LYG1: variants seen among roughly 807,000 people sequenced by gnomAD.
LYG1 encodes lysozyme g-like protein 1.
In LYG1, 17 loss-of-function variants were observed where a neutral mutation model predicts 21.7. That is an observed-to-expected ratio of 0.78 (90% CI 0.54 to 1.18). The LOEUF (loss-of-function observed/expected upper bound fraction) is 1.18, where lower values mean the gene tolerates loss of function less well. Ranked by LOEUF, LYG1 falls within the 50% of genes most tolerant of loss-of-function variation. LYG1 has a pLI of 0.00. For synonymous variants in LYG1, 81 were observed against 87.4 expected (o/e 0.93, Z 0.41); for missense variants, 211 against 238.1 (o/e 0.89, Z 0.75).
upstream of LYG1, among the ~76,000 whole-genome samples, chr2:99,303,506 C>T (rs1018448059): frequency 5.9e-5 from 9 of 152,154 alleles, no homozygotes; most frequent in African/African-American, 2.2e-4. Context: ...CCTGCTGCAC[C>T]TGGGTCCCCA....
upstream of LYG1, among the ~76,000 whole-genome samples, chr2:99,302,615 G>T (rs761091947): frequency 1.3e-5 from 2 of 152,194 alleles, no homozygotes; most frequent in Non-Finnish European, 2.9e-5. Flanking sequence ...CACATAAGGG[G>T]TATTCAGTAC....
chr2:99,286,348 C>T (rs1251851652), intron 5 of LYG1, among the ~76,000 whole-genome samples: 1 of 152,164 alleles, frequency 6.6e-6, no homozygotes, highest in East Asian at 1.9e-4. Flanking sequence ...TTGTTGATGG[C>T]AATGCAAAAT....
At chr2:99,292,400 G>T in intron 4 of LYG1, 136 bp downstream of exon 4, 1 of 652,058 alleles carries the variant, frequency 1.5e-6, no homozygotes, top group South Asian at 1.9e-5. Context: ...CGGATGCAGG[G>T]GCAGCTAAGT....
rs546668070 is a variant in LYG1 at position 99,301,161 on chromosome 2, A to G, written c.-235T>C. ...TCATCCTATTTTGGAGAGATTTATG[A>G]CATCTCATAAATTATAATAATAATC... On this transcript the variant is annotated 5_prime_UTR_variant, in exon 1 of 7. Transcript: ENST00000308528. The G allele has an allele frequency of 6.6e-6, 1 of 151,728 alleles. No individual in the cohort carries two copies. The highest frequency in any genetic ancestry group is 1.5e-5 in the Non-Finnish European group (1 of 68,014). The allele number at this position is 151,728 out of a possible 1,614,324, so 9.4% of individuals were successfully genotyped here.
In LYG1 at chr2:99,286,715, A is replaced by G. The variant is rs373208144; in HGVS notation, c.334-1895T>C. On this transcript the variant is annotated intron_variant, in intron 5 of 6. Coordinates refer to ENST00000308528, the MANE Select transcript of LYG1 (RefSeq NM_174898.3). ...GTGAGACTGTCTCAAAAAATAAAAC[A>G]AATTAAAGTAAAAATTAATACCATA... is the stretch of plus-strand genomic sequence containing the variant. 9.3e-4 allele frequency among the ~76,000 whole-genome samples: 141 copies of G among 152,268 alleles called. 1 individual carries two copies. Among genetic ancestry groups the G allele is most frequent in the African/African-American group, 3.2e-3 (135 of 41,564 alleles).
At chr2:99,288,484 G>A (rs926724434) in intron 5 of LYG1, among the ~76,000 whole-genome samples, 6 of 151,868 alleles carry the variant, frequency 4.0e-5, no homozygotes, top group Admixed American at 2.6e-4. Flanking sequence ...TATTAATATC[G>A]TGTAGTTGCT....
At chr2:99,287,350 G>C (rs962736302) in intron 5 of LYG1, among the ~76,000 whole-genome samples, 1 of 152,168 alleles carries the variant, frequency 6.6e-6, no homozygotes, top group Non-Finnish European at 1.5e-5. Flanking sequence ...ACATACAGGG[G>C]AACAACACGC....
At chr2:99,302,875 A>G (rs2094158676), upstream of LYG1, among the ~76,000 whole-genome samples, 1 of 152,044 alleles carries the variant, frequency 6.6e-6, no homozygotes, top group African/African-American at 2.4e-5. Context: ...AAAATTATCC[A>G]GGCATGGTGG....
rs1236146640 is a variant in LYG1, at chr2:99,295,767, A to G, written c.-32-65T>C. Reference sequence around the variant, plus strand: ...AGTCATCATCATAACCACATGTAATATTTCCACAGAAGCAGGGGTGAAAAG... The same window carrying G: ...AGTCATCATCATAACCACATGTAATGTTTCCACAGAAGCAGGGGTGAAAAG... On this transcript the variant is annotated intron_variant, in intron 2 of 6. Coordinates refer to ENST00000308528, the MANE Select transcript of LYG1 (RefSeq NM_174898.3). 5 of 1,459,326 alleles carry G rather than the reference A, an allele frequency of 3.4e-6. No homozygotes were observed. In the African/African-American group the frequency reaches 7.0e-5, roughly 20 times the overall value. 90.4% of individuals were successfully genotyped at this position (1,459,326 alleles called of 1,614,324 possible).
intron 3 of LYG1, among the ~76,000 whole-genome samples, chr2:99,293,427 C>G (rs2094126925): frequency 6.6e-6 from 1 of 152,212 alleles, no homozygotes; most frequent in Admixed American, 6.5e-5. Context: ...AACCCAGATC[C>G]AAAGTAAGGC....
At chr2:99,302,910 C>T (rs2094158752), upstream of LYG1, among the ~76,000 whole-genome samples, 4 of 151,300 alleles carry the variant, frequency 2.6e-5, no homozygotes, top group Non-Finnish European at 5.9e-5. Flanking sequence ...CCCAGCTACT[C>T]GGGAGGCTGA....
At chr2:99,290,713 G>A (rs958918731) in intron 5 of LYG1, among the ~76,000 whole-genome samples, 1 of 152,022 alleles carries the variant, frequency 6.6e-6, no homozygotes, top group Non-Finnish European at 1.5e-5. Context: ...GACACCAGAC[G>A]GAATTCATGC....
intron 4 of LYG1, 28 bp from the exon 5 acceptor site, chr2:99,291,449 A>G: frequency 6.2e-7 from 1 of 1,610,866 alleles, no homozygotes; most frequent in Admixed American, 1.7e-5. Flanking sequence ...GGAATGATGC[A>G]GCTTGTTGTG....
intron 5 of LYG1, among the ~76,000 whole-genome samples, chr2:99,287,865 C>T (rs993709973): frequency 6.6e-6 from 1 of 152,204 alleles, no homozygotes; most frequent in Middle Eastern, 3.4e-3. Context: ...AAATGTTCCT[C>T]ATGTGCAGGA....
rs1574883936 is a variant in LYG1, at chr2:99,292,062, G to GGCA, written c.148+473_148+474insTGC. 2.6e-5 allele frequency among the ~76,000 whole-genome samples: 4 copies of GGCA among 152,228 alleles called. No individual in the cohort carries two copies. In the East Asian group the frequency reaches 7.8e-4, roughly 30 times the overall value. On this transcript the variant is annotated intron_variant, in intron 4 of 6. Coordinates refer to ENST00000308528, the MANE Select transcript of LYG1 (RefSeq NM_174898.3). ...AGCACTTTGGGAGGCCAAAGAGGGA[G>GGCA]GATCACCTGAGGTCAGGAGTTCGAG...
At chr2:99,288,967 C>A (rs2094110541) in intron 5 of LYG1, among the ~76,000 whole-genome samples, 1 of 152,138 alleles carries the variant, frequency 6.6e-6, no homozygotes, top group African/African-American at 2.4e-5. Flanking sequence ...ATCATATTGA[C>A]CAAACCTATA....
intron 2 of LYG1, among the ~76,000 whole-genome samples, chr2:99,296,171 C>T (rs932272140): frequency 6.6e-5 from 10 of 152,160 alleles, no homozygotes; most frequent in African/African-American, 2.4e-4. Flanking sequence ...CCACGCTTTC[C>T]TCAGTGCCCT....
chr2:99,287,643 TTTAG>T (rs1194020476), intron 5 of LYG1, among the ~76,000 whole-genome samples: 1 of 152,174 alleles, frequency 6.6e-6, no homozygotes, highest in African/African-American at 2.4e-5. Context: ...ATCATCCTGT[TTTAG>T]TTATTTTTAA....
In LYG1 at chr2:99,292,586, G is replaced by A. The variant is rs776343046; in HGVS notation, c.98C>T (p.Thr33Ile). 2 of 1,614,184 alleles carry A rather than the reference G, an allele frequency of 1.2e-6. No individual in the cohort carries two copies. The highest frequency in any genetic ancestry group is 2.2e-5 in the South Asian group (2 of 91,086). The change falls in exon 4 of 7, where the codon ACC becomes ATC. Residue 33 changes from threonine to isoleucine, a missense_variant. Coordinates refer to ENST00000308528, the MANE Select transcript of LYG1 (RefSeq NM_174898.3). ...TCCAATCCCACAAGATGCTCCAGGG[G>A]TGTCCAGGCTTTGGATGTTTCCATA... ...GCYGNIQSLD[T>I]PGASCGIGRR...
Sources: allele counts gnomAD v4.1 joint callset (sites outside exome capture counted in the v4.1 genomes callset), GRCh38; gene constraint gnomAD v4.1.1; transcripts MANE v1.5; gene names NCBI Gene and HGNC (gene_info 2026-07-23, HGNC 2026-07-21).